The following ATG5 variants were observed in gnomAD, a reference collection of about 807,000 sequenced individuals.
ATG5 encodes autophagy protein 5.
Under a neutral mutation model 36.5 loss-of-function variants are expected in ATG5, and 14 were observed. The observed-to-expected ratio is 0.38, with a 90% CI of 0.25 to 0.60. The LOEUF is 0.60. Ranked by LOEUF, ATG5 falls within the 20% of genes least tolerant of loss-of-function variation. The probability of loss-of-function intolerance (pLI) is 0.60; values close to 1 mark genes in which losing one functional copy is unlikely to be tolerated. For missense variants in ATG5, 195 were observed against 326.7 expected, an observed-to-expected ratio of 0.60 and a Z score of 3.11; for synonymous variants, 95 against 101.5, an observed-to-expected ratio of 0.94 and a Z score of 0.38.
At chr6:106,258,619 T>C (rs114425480) in intron 5 of ATG5, among the ~76,000 whole-genome samples, 2 of 152,346 alleles carry the variant, frequency 1.3e-5, no homozygotes, top group East Asian at 1.9e-4. Context: ...AGCAGCTACA[T>C]GACATGCCCA....
chr6:106,265,615 C>A (rs1368112367), intron 5 of ATG5, among the ~76,000 whole-genome samples: 3 of 152,164 alleles, frequency 2.0e-5, no homozygotes, highest in South Asian at 2.1e-4. Context: ...GTAAAACACT[C>A]CTCTGCAAGT....
chr6:106,249,941 C>A (rs1582609341), intron 5 of ATG5, among the ~76,000 whole-genome samples: 1 of 152,182 alleles, frequency 6.6e-6, no homozygotes, highest in African/African-American at 2.4e-5. Flanking sequence ...CCTTTTAAAC[C>A]AGTTGTCTTT....
intron 5 of ATG5, among the ~76,000 whole-genome samples, chr6:106,249,540 T>C (rs984850032): frequency 5.9e-5 from 9 of 152,244 alleles, no homozygotes; most frequent in African/African-American, 2.2e-4. Context: ...TTATAAATAA[T>C]GCTACTATGA....
intron 6 of ATG5, among the ~76,000 whole-genome samples, chr6:106,220,355 A>C (rs560503284): frequency 1.3e-5 from 2 of 152,286 alleles, no homozygotes; most frequent in East Asian, 3.9e-4. Context: ...CTGCAAAGCA[A>C]AAGTATAATA....
At chr6:106,223,302 G>T (rs1381820461) in intron 6 of ATG5, among the ~76,000 whole-genome samples, 1 of 152,138 alleles carries the variant, frequency 6.6e-6, no homozygotes, top group Admixed American at 6.5e-5. Flanking sequence ...AAAAGCAACT[G>T]AAGTCCTAGA....
chr6:106,243,767 G>T (rs527589573), intron 6 of ATG5, among the ~76,000 whole-genome samples: 1 of 151,936 alleles, frequency 6.6e-6, no homozygotes, highest in South Asian at 2.1e-4. Flanking sequence ...AGAGGCGGAG[G>T]TTTCAGTGAG....
At chr6:106,270,289 A>AG (rs1779404150) in intron 5 of ATG5, among the ~76,000 whole-genome samples, 1 of 152,196 alleles carries the variant, frequency 6.6e-6, no homozygotes, top group African/African-American at 2.4e-5. Context: ...TTTGTTCCAT[A>AG]GTAAAACTTA....
intron 2 of ATG5, among the ~76,000 whole-genome samples, chr6:106,315,633 A>G (rs535393539): frequency 6.6e-6 from 1 of 152,210 alleles, no homozygotes; most frequent in East Asian, 1.9e-4. Flanking sequence ...GTGCATGTTT[A>G]TATGTTCTTT....
intron 7 of ATG5, among the ~76,000 whole-genome samples, chr6:106,188,423 A>G (rs1775852124): frequency 6.6e-6 from 1 of 152,220 alleles, no homozygotes; most frequent in African/African-American, 2.4e-5. Flanking sequence ...CCTTATCTCT[A>G]AAGTTTTTCC....
intron 7 of ATG5, 29 bp from the exon 8 acceptor site, chr6:106,186,705 T>C (rs1019841454): frequency 6.2e-7 from 1 of 1,609,452 alleles, no homozygotes; most frequent in Non-Finnish European, 8.5e-7. Context: ...CCAACAACAA[T>C]AAAAGTCAAA....
intron 6 of ATG5, 97 bp downstream of exon 6, chr6:106,248,053 T>A: frequency 1.1e-6 from 1 of 899,232 alleles, no homozygotes; most frequent in Non-Finnish European, 1.7e-6. Flanking sequence ...AAATACCGTT[T>A]AGTTACTATG....
intron 6 of ATG5, among the ~76,000 whole-genome samples, chr6:106,227,367 G>T (rs1329192463): frequency 6.6e-6 from 1 of 152,184 alleles, no homozygotes; most frequent in Non-Finnish European, 1.5e-5. Flanking sequence ...TGGCCAAGGT[G>T]GGAGGATCAC....
intron 6 of ATG5, among the ~76,000 whole-genome samples, chr6:106,246,429 CA>C (rs1250717026): frequency 8.7e-5 from 13 of 149,324 alleles, no homozygotes; most frequent in South Asian, 2.1e-4. Context: ...CACACACACA[CA>C]CCCTTTCTCT....
chr6:106,216,880 T>C (rs775173371), intron 6 of ATG5, among the ~76,000 whole-genome samples: 3 of 151,940 alleles, frequency 2.0e-5, no homozygotes, highest in Non-Finnish European at 4.4e-5. Context: ...ACACAGACCA[T>C]GTCTCTAAAT....
chr6:106,313,422 T>G (rs1429501364), intron 2 of ATG5, among the ~76,000 whole-genome samples: 2 of 152,166 alleles, frequency 1.3e-5, no homozygotes, highest in Non-Finnish European at 2.9e-5. Context: ...ATGTTAAGGG[T>G]CCATGACATT....
chr6:106,319,654 CTTG>C (rs1284164539), intron 1 of ATG5, among the ~76,000 whole-genome samples: 1 of 152,164 alleles, frequency 6.6e-6, no homozygotes, highest in Non-Finnish European at 1.5e-5. Context: ...CAGAACTCGC[CTTG>C]TTTTCTCTTG....
intron 7 of ATG5, among the ~76,000 whole-genome samples, chr6:106,186,877 T>C (rs1477077212): frequency 6.6e-6 from 1 of 152,190 alleles, no homozygotes; most frequent in Non-Finnish European, 1.5e-5. Context: ...TACAATATAT[T>C]CTGATAAAAA....
chr6:106,265,546 A>G (rs1464650146), intron 5 of ATG5, among the ~76,000 whole-genome samples: 1 of 152,216 alleles, frequency 6.6e-6, no homozygotes, highest in Non-Finnish European at 1.5e-5. Flanking sequence ...TCAACAGAAT[A>G]CACATTCTTC....
At chr6:106,256,202 G>A (rs1403848069) in intron 5 of ATG5, among the ~76,000 whole-genome samples, 3 of 152,100 alleles carry the variant, frequency 2.0e-5, no homozygotes, top group Admixed American at 6.5e-5. Flanking sequence ...TTATGCTTCT[G>A]GAGAGAAAGT....
Sources: allele counts gnomAD v4.1 joint callset (sites outside exome capture counted in the v4.1 genomes callset), GRCh38; gene constraint gnomAD v4.1.1; transcripts MANE v1.5; gene names NCBI Gene and HGNC (gene_info 2026-07-23, HGNC 2026-07-21).